Variants in IQGAP1 observed in about 807,000 individuals in gnomAD.
IQGAP1 encodes ras GTPase-activating-like protein IQGAP1.
IQGAP1 carries 66 observed loss-of-function variants against 215.6 expected under a neutral mutation model. The ratio of observed to expected loss-of-function variants is 0.31; its 90% CI spans 0.25 to 0.38. The LOEUF (loss-of-function observed/expected upper bound fraction) is 0.38, where lower values mean the gene tolerates loss of function less well. Among genes scored for constraint, IQGAP1 ranks in the 10% least tolerant of loss-of-function variants. IQGAP1 has a pLI of 1.00. For synonymous variants in IQGAP1, 772 were observed against 728.7 expected (o/e 1.06, Z -0.96); for missense variants, 1,712 against 1,997.1 (o/e 0.86, Z 2.72).
At chr15:90,496,425 A>G (rs767878191) in intron 36 of IQGAP1, among the ~76,000 whole-genome samples, 1 of 148,488 alleles carries the variant, frequency 6.7e-6, no homozygotes. Context: ...TCCCGGGTTC[A>G]ATCAATTCTC....
At position 90,486,012 on chromosome 15, in the gene IQGAP1, G is replaced by A. The variant is rs764032317; in HGVS notation, c.3922-18G>A. 14 of 1,595,046 alleles carry A rather than the reference G, an allele frequency of 8.8e-6. No individual in the cohort carries two copies. The Admixed American group carries it at 2.2e-4, about 25-fold the overall frequency. The stretch of plus-strand genomic sequence containing the variant: ...AAGAGTTGAATGTATAAATGGAGTT[G>A]ATCATTGGTGTTTGCAGCTCCTGTT... On this transcript the variant is annotated intron_variant, in intron 30 of 37. Transcript: ENST00000268182.
At chr15:90,437,744 T>C (rs368579870) in intron 5 of IQGAP1, among the ~76,000 whole-genome samples, 1 of 152,164 alleles carries the variant, frequency 6.6e-6, no homozygotes, top group Non-Finnish European at 1.5e-5. Context: ...CTTGCTATGT[T>C]GCTCAAGCTG....
intron 26 of IQGAP1, 76 bp downstream of exon 26, chr15:90,477,965 A>C (rs2151033822): frequency 3.3e-6 from 3 of 910,106 alleles, no homozygotes; most frequent in Admixed American, 2.1e-5. Flanking sequence ...CTTTATTTAT[A>C]AACTAATATT....
At chr15:90,394,808 A>C (rs75325022) in intron 2 of IQGAP1, among the ~76,000 whole-genome samples, 1 of 130,730 alleles carries the variant, frequency 7.6e-6, no homozygotes, top group South Asian at 2.5e-4. Context: ...CTCTACTTCT[A>C]CTAAAAGCTC....
chr15:90,395,581 C>A (rs746768995), intron 2 of IQGAP1, among the ~76,000 whole-genome samples: 40 of 152,278 alleles, frequency 2.6e-4, no homozygotes, highest in Middle Eastern at 3.4e-3. Context: ...TGGCCTCCCA[C>A]AGTGCTGGGA....
intron 2 of IQGAP1, among the ~76,000 whole-genome samples, chr15:90,403,518 T>C (rs1964833095): frequency 6.6e-6 from 1 of 152,232 alleles, no homozygotes; most frequent in Admixed American, 6.5e-5. Flanking sequence ...AAAAAGTCTA[T>C]ATCCTTAGTC....
intron 11 of IQGAP1, 94 bp downstream of exon 11, chr15:90,449,737 T>G (rs2151022633): frequency 9.7e-7 from 1 of 1,026,588 alleles, no homozygotes; most frequent in East Asian, 2.8e-5. Context: ...TCACCCACTC[T>G]GAGCCTACTA....
intron 2 of IQGAP1, among the ~76,000 whole-genome samples, chr15:90,401,945 T>C (rs1052175910): frequency 6.6e-6 from 1 of 152,242 alleles, no homozygotes; most frequent in African/African-American, 2.4e-5. Flanking sequence ...ATAACACTTT[T>C]CCCAAGGTCA....
intron 1 of IQGAP1, among the ~76,000 whole-genome samples, chr15:90,389,209 CAG>C (rs542071584): frequency 1.4e-4 from 22 of 152,210 alleles, no homozygotes; most frequent in East Asian, 1.3e-3. Context: ...GCGTTTTAAT[CAG>C]AGAGTCAGGT....
intron 14 of IQGAP1, 39 bp downstream of exon 14, chr15:90,454,591 T>C: frequency 6.6e-7 from 1 of 1,504,856 alleles, no homozygotes; most frequent in Non-Finnish European, 8.9e-7. Flanking sequence ...AATGTCACCA[T>C]TAATGATGAT....
At position 90,414,066 on chromosome 15, in the gene IQGAP1, A is replaced by G. The variant is rs1169394221; in HGVS notation, c.156-12044A>G. ...ATGCTTTTTCCACAATCATTTAAAA[A>G]AAATAAAAAGACACTTTCCCAGGAC... On this transcript the variant is annotated intron_variant, in intron 2 of 37. Coordinates refer to ENST00000268182, the MANE Select transcript of IQGAP1 (RefSeq NM_003870.4). Among the ~76,000 whole-genome samples the G allele has an allele frequency of 2.2e-4, 34 of 152,186 alleles. 2 individuals carry two copies. Among genetic ancestry groups the G allele is most frequent in the Admixed American group, 2.2e-3 (34 of 15,282 alleles).
Position 90,456,285 on chromosome 15 carries a change from G to T in IQGAP1, c.1746G>T (p.Thr582=). Reference sequence around the variant, plus strand: ...AAGTGGCCCAGCATTACCAAGACACGCTGATTAGAGCGAAGAGAGAGAAAG... The same window carrying T: ...AAGTGGCCCAGCATTACCAAGACACTCTGATTAGAGCGAAGAGAGAGAAAG... ...LAEVAQHYQD[T]LIRAKREKAQ... Residue 582 remains threonine, a synonymous_variant, in exon 15 of 38, where the codon ACG becomes ACT. Coordinates refer to ENST00000268182, the MANE Select transcript of IQGAP1 (RefSeq NM_003870.4). The T allele has an allele frequency of 1.9e-6, 3 of 1,614,014 alleles. No individual in the cohort carries two copies. The highest frequency in any genetic ancestry group is 2.5e-6 in the Non-Finnish European group (3 of 1,179,932).
At chr15:90,472,150 C>A (rs1317761934) in intron 18 of IQGAP1, among the ~76,000 whole-genome samples, 1 of 152,220 alleles carries the variant, frequency 6.6e-6, no homozygotes, top group Non-Finnish European at 1.5e-5. Flanking sequence ...TGGTGGTACA[C>A]TTGTAGCCCC....
intron 2 of IQGAP1, among the ~76,000 whole-genome samples, chr15:90,415,594 T>G (rs1354236667): frequency 6.6e-6 from 1 of 152,202 alleles, no homozygotes; most frequent in African/African-American, 2.4e-5. Context: ...AGCTAACTGC[T>G]TCCCCACCCT....
rs552222380 is a variant in IQGAP1 at position 90,496,306 on chromosome 15, C to CTTTTTTTTTTTTTTTTT, written c.4752-913_4752-897dup. 3.1e-4 allele frequency among the ~76,000 whole-genome samples: 33 copies of CTTTTTTTTTTTTTTTTT among 106,114 alleles called. 5 individuals are homozygous for CTTTTTTTTTTTTTTTTT. Among genetic ancestry groups the CTTTTTTTTTTTTTTTTT allele is most frequent in the African/African-American group, 1.3e-3 (30 of 22,582 alleles). The allele number at this position is 106,114 out of a possible 152,430, so 69.6% of individuals were successfully genotyped here. ...GATCATCCAGAGAACAGCATAATCC[C>CTTTTTTTTTTTTTTTTT]TTTTTTTTTTTTTTTTTTTTTTTTT... On this transcript the variant is annotated intron_variant, in intron 36 of 37. Transcript: ENST00000268182.
intron 4 of IQGAP1, among the ~76,000 whole-genome samples, chr15:90,430,413 A>T (rs964554263): frequency 6.6e-6 from 1 of 152,192 alleles, no homozygotes; most frequent in Non-Finnish European, 1.5e-5. Context: ...CACCAAAAAA[A>T]TGTATACAGA....
chr15:90,432,505 A>T (rs1232071000), intron 4 of IQGAP1, among the ~76,000 whole-genome samples: 3 of 152,146 alleles, frequency 2.0e-5, no homozygotes, highest in Admixed American at 2.0e-4. Flanking sequence ...CCTGCTTATC[A>T]AGTTCAGACT....
chr15:90,453,095 T>C (rs779549033), intron 12 of IQGAP1, 37 bp from the exon 13 acceptor site: 1 of 1,576,604 alleles, frequency 6.3e-7, no homozygotes, highest in Non-Finnish European at 8.6e-7. Flanking sequence ...GAGAATGTCT[T>C]TCCTCACTGT....
chr15:90,420,056 A>G (rs547492442), intron 2 of IQGAP1, among the ~76,000 whole-genome samples: 1 of 152,250 alleles, frequency 6.6e-6, no homozygotes, highest in Non-Finnish European at 1.5e-5. Context: ...TGCTATTATT[A>G]TTCTGTTTTT....
Sources: allele counts gnomAD v4.1 joint callset (sites outside exome capture counted in the v4.1 genomes callset), GRCh38; gene constraint gnomAD v4.1.1; transcripts MANE v1.5; gene names NCBI Gene and HGNC (gene_info 2026-07-23, HGNC 2026-07-21).